KLHL1: variants seen among roughly 807,000 people sequenced by gnomAD.
KLHL1 encodes kelch like family member 1, also known as kelch-like protein 1.
KLHL1 carries 47 observed loss-of-function variants against 77.7 expected under a neutral mutation model. That is an observed-to-expected ratio of 0.60 (90% confidence interval 0.48 to 0.77). The LOEUF (loss-of-function observed/expected upper bound fraction) is 0.77, where lower values mean the gene tolerates loss of function less well. Among genes scored for constraint, KLHL1 ranks in the 30% least tolerant of loss-of-function variants. The pLI, the probability that KLHL1 is intolerant of heterozygous loss-of-function variation, is 0.00. For synonymous variants in KLHL1, 360 were observed against 325.2 expected (o/e 1.11, Z -1.15); for missense variants, 925 against 910.8 (o/e 1.02, Z -0.20).
At chr13:69,982,437 AAATAATAATAATAAT>A (rs34183465) in intron 1 of KLHL1, among the ~76,000 whole-genome samples, 27 of 135,738 alleles carry the variant, frequency 2.0e-4, no homozygotes, top group South Asian at 9.7e-4. Context: ...CTCCATCTCC[AAATAATAATAATAAT>A]AATAATAATA....
intron 6 of KLHL1, among the ~76,000 whole-genome samples, chr13:69,823,297 C>T (rs553573562): frequency 2.0e-5 from 3 of 151,996 alleles, no homozygotes; most frequent in Non-Finnish European, 4.4e-5. Context: ...ATGAGAAACA[C>T]CAACATTTAA....
At chr13:70,023,262 A>T (rs1296023427) in intron 1 of KLHL1, among the ~76,000 whole-genome samples, 1 of 151,846 alleles carries the variant, frequency 6.6e-6, no homozygotes, top group Admixed American at 6.6e-5. Context: ...TTTTTGTTGC[A>T]TATGTTTTAT....
At chr13:70,015,129 C>T (rs764005937) in intron 1 of KLHL1, among the ~76,000 whole-genome samples, 1 of 152,034 alleles carries the variant, frequency 6.6e-6, no homozygotes, top group Non-Finnish European at 1.5e-5. Context: ...TGGTCATGTG[C>T]CACTAAATGA....
At chr13:69,769,456 C>T (rs115902546) in intron 7 of KLHL1, among the ~76,000 whole-genome samples, 1,736 of 152,270 alleles carry the variant, frequency 0.011, 25 homozygotes, top group African/African-American at 0.038. Context: ...GGATGGGTCC[C>T]TGGTGAAACC....
chr13:69,881,157 C>T (rs954146613), intron 5 of KLHL1, among the ~76,000 whole-genome samples: 2 of 151,956 alleles, frequency 1.3e-5, no homozygotes, highest in African/African-American at 4.8e-5. Context: ...AATTATTTTG[C>T]TGTTTTTTTC....
chr13:69,719,898 A>C (rs960718719), intron 8 of KLHL1, among the ~76,000 whole-genome samples: 1 of 152,078 alleles, frequency 6.6e-6, no homozygotes, highest in Non-Finnish European at 1.5e-5. Flanking sequence ...AATAAATATT[A>C]AGAAATGGCT....
intron 9 of KLHL1, among the ~76,000 whole-genome samples, chr13:69,713,834 A>G (rs2026128): frequency 0.94 from 142,994 of 152,096 alleles, 67,463 homozygotes; most frequent in East Asian, 1. Context: ...CAAATTTTAC[A>G]ATATTCTGGG....
intron 7 of KLHL1, among the ~76,000 whole-genome samples, chr13:69,786,895 C>G (rs1876580950): frequency 6.6e-6 from 1 of 152,204 alleles, no homozygotes; most frequent in Non-Finnish European, 1.5e-5. Flanking sequence ...TGAGGGAACT[C>G]CCATTCACAA....
At chr13:69,815,907 T>TA (rs1241511797) in intron 6 of KLHL1, among the ~76,000 whole-genome samples, 1 of 151,048 alleles carries the variant, frequency 6.6e-6, no homozygotes, top group Non-Finnish European at 1.5e-5. Flanking sequence ...AATAGAGAAA[T>TA]AAAAAACTGA....
chr13:70,046,598 G>A (rs73516787), intron 1 of KLHL1, among the ~76,000 whole-genome samples: 4,608 of 152,210 alleles, frequency 0.03, 153 homozygotes, highest in African/African-American at 0.08. Context: ...AGCGATTCGC[G>A]TGCTTCAGCT....
At chr13:69,758,185 C>T (rs990906528) in intron 7 of KLHL1, among the ~76,000 whole-genome samples, 1 of 151,900 alleles carries the variant, frequency 6.6e-6, no homozygotes, top group African/African-American at 2.4e-5. Context: ...GAACAAAAAT[C>T]TTTCACTATC....
At position 69,782,574 on chromosome 13, in the gene KLHL1, A is replaced by C. The variant is rs112110376; in HGVS notation, c.1639+14164T>G. On this transcript the variant is annotated intron_variant, in intron 7 of 10. Coordinates refer to ENST00000377844, the MANE Select transcript of KLHL1 (RefSeq NM_020866.3). ...GAGTCTCACTGATTGCTAGCATAGG[A>C]GTCTGAGATCAAACTGCAAGGCAGC... Among the ~76,000 whole-genome samples, 15 of 152,248 alleles carry C rather than the reference A, an allele frequency of 9.9e-5. 1 individual carries two copies. The highest frequency in any genetic ancestry group is 3.6e-4 in the African/African-American group (15 of 41,556).
chr13:70,041,036 T>C (rs923912623), intron 1 of KLHL1, among the ~76,000 whole-genome samples: 1 of 152,206 alleles, frequency 6.6e-6, no homozygotes, highest in East Asian at 1.9e-4. Flanking sequence ...GTCAGTCAAT[T>C]GAATTTTACT....
At chr13:69,854,628 C>G (rs568802879) in intron 5 of KLHL1, among the ~76,000 whole-genome samples, 1 of 152,064 alleles carries the variant, frequency 6.6e-6, no homozygotes, top group South Asian at 2.1e-4. Context: ...TAACATTATT[C>G]CTATGCATAA....
chr13:70,004,767 G>C (rs896672441), intron 1 of KLHL1, among the ~76,000 whole-genome samples: 4 of 151,598 alleles, frequency 2.6e-5, no homozygotes, highest in Non-Finnish European at 4.4e-5. Flanking sequence ...ATATGAAATT[G>C]AATGTCATTC....
intron 4 of KLHL1, among the ~76,000 whole-genome samples, chr13:69,889,313 A>G (rs1231238972): frequency 1.3e-5 from 2 of 152,012 alleles, no homozygotes. Context: ...TAGAATTTCA[A>G]AGGGAATGGA....
At chr13:69,764,182 T>A (rs879619379) in intron 7 of KLHL1, among the ~76,000 whole-genome samples, 5 of 152,206 alleles carry the variant, frequency 3.3e-5, no homozygotes, top group Non-Finnish European at 5.9e-5. Flanking sequence ...CATAGTGAAC[T>A]GTATAAATCA....
chr13:69,851,809 G>C (rs1879701498), intron 5 of KLHL1, among the ~76,000 whole-genome samples: 1 of 151,660 alleles, frequency 6.6e-6, no homozygotes, highest in African/African-American at 2.4e-5. Flanking sequence ...TCATCTATCT[G>C]CAACTCATGA....
intron 1 of KLHL1, among the ~76,000 whole-genome samples, chr13:69,988,620 T>C (rs1017338778): frequency 1.3e-5 from 2 of 152,080 alleles, no homozygotes; most frequent in African/African-American, 2.4e-5. Flanking sequence ...CTTGCTAGCA[T>C]GTGTTATTTT....
Sources: gnomAD v4.1 joint callset for allele counts (sites outside exome capture counted in the v4.1 genomes callset) on GRCh38, gnomAD v4.1.1 for gene constraint, MANE v1.5 for transcripts, NCBI Gene and HGNC (gene_info 2026-07-23, HGNC 2026-07-21) for gene names.